Variants in DNAH8 observed in about 807,000 individuals in gnomAD.
The protein encoded by DNAH8 is dynein axonemal heavy chain 8, also known as axonemal beta dynein heavy chain 8.
Under a neutral mutation model 562.1 loss-of-function variants are expected in DNAH8, and 382 were observed. The observed-to-expected ratio is 0.68, with a 90% CI of 0.63 to 0.74. The LOEUF (loss-of-function observed/expected upper bound fraction) is 0.74. Among genes scored for constraint, DNAH8 ranks in the 30% least tolerant of loss-of-function variants. DNAH8 has a pLI of 0.00. For synonymous variants in DNAH8, 1,881 were observed against 1,919.4 expected (o/e 0.98, Z 0.52); for missense variants, 5,203 against 5,620.4 (o/e 0.93, Z 2.37).
intron 82 of DNAH8, 115 bp from the exon 83 acceptor site, chr6:38,971,477 T>TC: frequency 3.2e-6 from 2 of 625,558 alleles, no homozygotes; most frequent in Non-Finnish European, 4.9e-6. Context: ...CAAAGATTTT[T>TC]TTTTTTTTTT....
At chr6:38,927,417 C>T (rs1417710685) in intron 74 of DNAH8, among the ~76,000 whole-genome samples, 1 of 152,136 alleles carries the variant, frequency 6.6e-6, no homozygotes, top group African/African-American at 2.4e-5. Context: ...CTCCAGAACA[C>T]GATACATCAG....
chr6:38,987,247 T>C (rs1425006255), intron 87 of DNAH8, among the ~76,000 whole-genome samples: 1 of 152,188 alleles, frequency 6.6e-6, no homozygotes, highest in Non-Finnish European at 1.5e-5. Flanking sequence ...CTCAGCCTGC[T>C]CCACCTTCAA....
rs1468469619 is a variant in DNAH8 at position 38,921,240 on chromosome 6, G to A, written c.10525-129G>A. 3.7e-6 allele frequency: 4 copies of A among 1,077,382 alleles called. No homozygotes were observed. The East Asian group carries it at 1.0e-4, about 28-fold the overall frequency. 66.7% of individuals were successfully genotyped at this position (1,077,382 alleles called of 1,614,324 possible). A position where few individuals can be genotyped will look rare whatever the true frequency, so the allele number is the denominator to read the frequency against. On this transcript the variant is annotated intron_variant, in intron 70 of 92. Transcript: ENST00000327475. ...TCCAAGACGCTTTGCTTTCCCAGCTGAAGACACGGAAACAGATGTGCTCGA... is the reference window on the plus strand; with the variant it reads ...TCCAAGACGCTTTGCTTTCCCAGCTAAAGACACGGAAACAGATGTGCTCGA...
chr6:38,927,499 AAAG>A (rs1782213480), intron 74 of DNAH8, among the ~76,000 whole-genome samples: 1 of 152,200 alleles, frequency 6.6e-6, no homozygotes, highest in Non-Finnish European at 1.5e-5. Flanking sequence ...AGAAGAGTTA[AAAG>A]AAATAGTGTC....
chr6:38,857,893 A>G, intron 42 of DNAH8, 151 bp downstream of exon 42: 2 of 610,368 alleles, frequency 3.3e-6, no homozygotes, highest in South Asian at 2.2e-5. Flanking sequence ...GTATTTCTGT[A>G]TTGGATGGCT....
Position 38,935,610 on chromosome 6 carries a change from G to T in DNAH8, c.11476G>T (p.Val3826Phe). The T allele has an allele frequency of 6.2e-7, 1 of 1,612,616 alleles. No homozygotes were observed. Among genetic ancestry groups the T allele is most frequent in the Non-Finnish European group, 8.5e-7 (1 of 1,179,472 alleles). ...TEKQELEAER[V>F]KLLEDVTFNK... ...ATGACAGGAGTTAGAGGCTGAGAGG[G>T]TTAAACTTTTGGAGGATGTTACTTT... Residue 3826 changes from valine (V) to phenylalanine (F), a missense_variant, in exon 77 of 93, where the codon GTT becomes TTT. Physicochemically the swap from Val to Phe is conservative, Grantham distance 50. Coordinates refer to ENST00000327475, the MANE Select transcript of DNAH8 (RefSeq NM_001206927.2).
intron 3 of DNAH8, among the ~76,000 whole-genome samples, chr6:38,725,483 G>C (rs1292476495): frequency 8.5e-5 from 13 of 152,150 alleles, no homozygotes; most frequent in Non-Finnish European, 1.9e-4. Flanking sequence ...TGGTCCTGTT[G>C]TGTAGCTGTA....
intron 10 of DNAH8, among the ~76,000 whole-genome samples, chr6:38,757,838 G>A (rs1004337402): frequency 1.1e-4 from 17 of 152,106 alleles, no homozygotes; most frequent in African/African-American, 4.1e-4. Context: ...TTGTAGATAT[G>A]CGGCATTATT....
At chr6:38,942,326 A>G (rs901457364) in intron 79 of DNAH8, among the ~76,000 whole-genome samples, 2 of 152,200 alleles carry the variant, frequency 1.3e-5, no homozygotes, top group African/African-American at 2.4e-5. Flanking sequence ...AAGGAGGCAC[A>G]TATGACATAG....
intron 23 of DNAH8, among the ~76,000 whole-genome samples, chr6:38,807,181 C>T (rs1583057006): frequency 6.6e-6 from 1 of 152,190 alleles, no homozygotes; most frequent in East Asian, 1.9e-4. Context: ...GAGTATTGCA[C>T]ATTTTAAAAT....
Position 38,986,531 on chromosome 6 carries a change from C to T in DNAH8, c.13053+2224C>T, listed in dbSNP as rs559208334. Among the ~76,000 whole-genome samples the T allele has an allele frequency of 3.8e-4, 57 of 151,866 alleles. 2 individuals are homozygous for T. In the South Asian group the frequency reaches 0.011, roughly 30 times the overall value. On this transcript the variant is annotated intron_variant, in intron 87 of 92. Coordinates refer to ENST00000327475, the MANE Select transcript of DNAH8 (RefSeq NM_001206927.2). ...CCTAGATTCATAAAAATAATAAACTCGGGAGTGTGAGAAACTGACCTCTGT... is the reference window on the plus strand; with the variant it reads ...CCTAGATTCATAAAAATAATAAACTTGGGAGTGTGAGAAACTGACCTCTGT...
chr6:38,722,703 TA>T, intron 1 of DNAH8, 72 bp from the exon 2 acceptor site: 1 of 1,252,992 alleles, frequency 8.0e-7, no homozygotes, highest in Non-Finnish European at 1.1e-6. Flanking sequence ...CTTGTCTAGC[TA>T]AAAGGGGAGT....
chr6:38,884,176 A>G (rs1364232735), intron 56 of DNAH8, among the ~76,000 whole-genome samples, 178 bp downstream of exon 56: 3 of 151,768 alleles, frequency 2.0e-5, no homozygotes, highest in Admixed American at 6.6e-5. Context: ...TTAAATCCCT[A>G]TGTGTTTTTT....
intron 60 of DNAH8, among the ~76,000 whole-genome samples, chr6:38,897,618 T>G (rs1227383725): frequency 1.3e-5 from 2 of 152,056 alleles, no homozygotes; most frequent in Non-Finnish European, 2.9e-5. Context: ...ACAAAGTAAT[T>G]CTAAAGTTAT....
chr6:38,956,862 A>C (rs1762279380), intron 82 of DNAH8, among the ~76,000 whole-genome samples: 1 of 152,222 alleles, frequency 6.6e-6, no homozygotes, highest in Non-Finnish European at 1.5e-5. Flanking sequence ...CAAGAGAGGA[A>C]GAATGGAAGA....
At chr6:38,790,218 G>T in intron 19 of DNAH8, 71 bp from the exon 20 acceptor site, 1 of 832,432 alleles carries the variant, frequency 1.2e-6, no homozygotes, top group Admixed American at 2.2e-5. Context: ...ATTTGTAGGT[G>T]ATAAATCCTC....
chr6:38,913,245 T>G (rs1781037754), intron 66 of DNAH8, among the ~76,000 whole-genome samples: 1 of 152,328 alleles, frequency 6.6e-6, no homozygotes, highest in Non-Finnish European at 1.5e-5. Flanking sequence ...CTACAGAAAT[T>G]GGACAATATA....
chr6:38,726,310 G>A (rs1763214451), intron 3 of DNAH8, among the ~76,000 whole-genome samples: 1 of 152,220 alleles, frequency 6.6e-6, no homozygotes, highest in Non-Finnish European at 1.5e-5. Context: ...GTGGGGGGGA[G>A]ATGGGCATCT....
chr6:38,752,131 CTCTAA>C (rs1259750228), intron 9 of DNAH8, among the ~76,000 whole-genome samples: 2 of 151,250 alleles, frequency 1.3e-5, no homozygotes, highest in African/African-American at 4.9e-5. Context: ...TCAAGGTATT[CTCTAA>C]GTTGAAATGC....
Sources: gnomAD v4.1 joint callset for allele counts (sites outside exome capture counted in the v4.1 genomes callset) on GRCh38, gnomAD v4.1.1 for gene constraint, MANE v1.5 for transcripts, NCBI Gene and HGNC (gene_info 2026-07-23, HGNC 2026-07-21) for gene names.